Variants in MYH14 observed in about 807,000 individuals in gnomAD.
MYH14 encodes the protein myosin heavy chain 14.
Under a neutral mutation model 255.5 loss-of-function variants are expected in MYH14, and 123 were observed. The ratio of observed to expected loss-of-function variants is 0.48; its 90% CI spans 0.42 to 0.56. MYH14 has a LOEUF of 0.56. Ranked by LOEUF, MYH14 falls within the 20% of genes least tolerant of loss-of-function variation. MYH14 has a pLI of 0.00. For missense variants in MYH14, 2,423 were observed against 2,802.3 expected (o/e 0.86, Z 3.06); for synonymous variants, 1,095 against 1,161.2 (o/e 0.94, Z 1.16).
rs767665403 is a variant in MYH14 at position 50,257,296 on chromosome 19, C to T, written c.2045-3C>T. 1.3e-6 allele frequency: 2 copies of T among 1,596,942 alleles called. No individual in the cohort carries two copies. The highest frequency in any genetic ancestry group is 1.7e-6 in the Non-Finnish European group (2 of 1,169,412). ...TCTCTCTCTCTGCATCTCCATCTGACAGTGGAGGGCATCGTGGGGCTGGAA... is the reference window on the plus strand; with the variant it reads ...TCTCTCTCTCTGCATCTCCATCTGATAGTGGAGGGCATCGTGGGGCTGGAA... On this transcript the variant is annotated splice_region_variant and splice_polypyrimidine_tract_variant and intron_variant, in intron 17 of 42. Transcript: ENST00000642316.
intron 24 of MYH14, 45 bp from the exon 25 acceptor site, chr19:50,271,364 A>C: frequency 1.3e-6 from 2 of 1,571,592 alleles, no homozygotes; most frequent in Middle Eastern, 2.2e-4. Context: ...ATCACACTCC[A>C]TCTATTGGCC....
At position 50,309,074 on chromosome 19, in the gene MYH14, C is replaced by T. The variant is rs764485532; in HGVS notation, c.5857C>T (p.Arg1953Trp). ...GGAGGAGGCCGAGGAGGAGGCATCCCGGGCTCAGGCCGGCCGCCGGAGGCT... is the reference window on the plus strand; with the variant it reads ...GGAGGAGGCCGAGGAGGAGGCATCCTGGGCTCAGGCCGGCCGCCGGAGGCT... ...QLEEAEEEASRAQAGRRRLQR... is the reference protein window; with the variant it reads ...QLEEAEEEASWAQAGRRRLQR... The change falls in exon 42 of 43, where the codon CGG becomes TGG. Residue 1953 changes from arginine to tryptophan, a missense_variant. Arg to Trp is a moderately radical substitution (Grantham distance 101). This residue lies in a region of MYH14 where 1,513 missense variants were observed against 1,674.8 expected (regional missense o/e 0.90). Coordinates refer to ENST00000642316, the MANE Select transcript of MYH14 (RefSeq NM_001145809.2). The T allele has an allele frequency of 1.8e-5, 29 of 1,613,688 alleles. No individual in the cohort carries two copies. Among genetic ancestry groups the T allele is most frequent in the East Asian group, 6.7e-5 (3 of 44,874 alleles).
intron 8 of MYH14, among the ~76,000 whole-genome samples, chr19:50,229,216 G>A (rs902933233): frequency 6.6e-6 from 1 of 152,254 alleles, no homozygotes; most frequent in Admixed American, 6.5e-5. Context: ...TTACACCCCA[G>A]GGCTTCTGGG....
At chr19:50,246,117 T>TTCCTTCCTTCCTTCCTTCCC (rs2034114570) in intron 11 of MYH14, among the ~76,000 whole-genome samples, 2 of 116,686 alleles carry the variant, frequency 1.7e-5, no homozygotes, top group African/African-American at 3.3e-5. Flanking sequence ...CCTTTCTTCC[T>TTCCTTCCTTCCTTCCTTCCC]TCCTTCCTTC....
intron 3 of MYH14, among the ~76,000 whole-genome samples, chr19:50,222,578 C>T (rs2032890225): frequency 6.6e-6 from 1 of 152,044 alleles, no homozygotes; most frequent in African/African-American, 2.4e-5. Flanking sequence ...TTTCTGTCCC[C>T]TACATCTTAA....
chr19:50,233,304 G>A (rs543605301), intron 10 of MYH14, among the ~76,000 whole-genome samples: 24 of 152,136 alleles, frequency 1.6e-4, no homozygotes, highest in African/African-American at 5.3e-4. Flanking sequence ...CGAGTAACTG[G>A]GATTACAGGC....
rs757419658 is a variant in MYH14 at position 50,280,129 on chromosome 19, G to T, written c.4125G>T (p.Leu1375=). 1 of 1,603,894 alleles carries T rather than the reference G, an allele frequency of 6.2e-7. No homozygotes were observed. The highest frequency in any genetic ancestry group is 1.7e-5 in the Admixed American group (1 of 58,464). Reference sequence around the variant, plus strand: ...AGCTGAGCAGCACAGAAGCCCAGCTGCACGATGCCCAGGTGACCCTGCCTG... The same window carrying T: ...AGCTGAGCAGCACAGAAGCCCAGCTTCACGATGCCCAGGTGACCCTGCCTG... ...SKELSSTEAQ[L]HDAQELLQEE... is the part of the protein sequence containing the mutation. The change falls in exon 31 of 43, where the codon CTG becomes CTT. Residue 1375 remains leucine (L), a synonymous_variant. Transcript: ENST00000642316. This position sits in a 1 kb window ranked among gnomAD's most constrained non-coding sequence, Gnocchi z 4.8.
rs184155633 is a variant in MYH14, at chr19:50,270,655, G to A, written c.3034-754G>A. ...GGCAGTACCCATTTCTATAATTTGT[G>A]TATTTACTATGTTTATTTTATTTTT... On this transcript the variant is annotated intron_variant, in intron 24 of 42. Coordinates refer to ENST00000642316, the MANE Select transcript of MYH14 (RefSeq NM_001145809.2). Among the ~76,000 whole-genome samples, 306 of 151,112 alleles carry A rather than the reference G, an allele frequency of 2.0e-3. 1 individual carries two copies. Among genetic ancestry groups the A allele is most frequent in the Admixed American group, 3.4e-3 (51 of 15,150 alleles).
chr19:50,258,920 T>G (rs2034710100), intron 18 of MYH14, among the ~76,000 whole-genome samples: 1 of 152,110 alleles, frequency 6.6e-6, no homozygotes, highest in East Asian at 1.9e-4. Context: ...TAGTGACTGC[T>G]TCACCTAGGG....
At chr19:50,269,973 C>T (rs970028662) in intron 24 of MYH14, among the ~76,000 whole-genome samples, 1 of 152,154 alleles carries the variant, frequency 6.6e-6, no homozygotes, top group Non-Finnish European at 1.5e-5. Flanking sequence ...AATGTGTAAT[C>T]CCGGCACTTT....
At chr19:50,213,827 T>C (rs545901027) in intron 2 of MYH14, among the ~76,000 whole-genome samples, 1 of 152,248 alleles carries the variant, frequency 6.6e-6, no homozygotes, top group African/African-American at 2.4e-5. Flanking sequence ...TTCTGTTTTT[T>C]GTTTGTTTGT....
At chr19:50,270,684 A>ATTAT (rs1367984443) in intron 24 of MYH14, among the ~76,000 whole-genome samples, 3 of 114,806 alleles carry the variant, frequency 2.6e-5, no homozygotes, top group Non-Finnish European at 5.2e-5. Flanking sequence ...TATTTTTAAA[A>ATTAT]TTATTTATTA....
chr19:50,235,545 C>T (rs568780490), intron 10 of MYH14, among the ~76,000 whole-genome samples: 35 of 150,808 alleles, frequency 2.3e-4, no homozygotes, highest in Non-Finnish European at 3.8e-4. Flanking sequence ...TTTGGGAGGC[C>T]GAGGTGGGAG....
Position 50,230,778 on chromosome 19 carries a change from G to A in MYH14, c.973+155G>A, listed in dbSNP as rs560421901. 926 of 645,878 alleles carry A rather than the reference G, an allele frequency of 1.4e-3. 5 individuals are homozygous for A. The highest frequency in any genetic ancestry group is 2.3e-3 in the Admixed American group (86 of 38,010). 40.0% of individuals were successfully genotyped at this position (645,878 alleles called of 1,614,324 possible). A position where few individuals can be genotyped will look rare whatever the true frequency, so the allele number is the denominator to read the frequency against. On this transcript the variant is annotated intron_variant, in intron 9 of 42. Transcript: ENST00000642316. This position sits in a 1 kb window ranked among gnomAD's most constrained non-coding sequence, Gnocchi z 4.7. ...CTCCCGCAGCCCCTGCTCTCGCTGC[G>A]TAGTGGCGTCTGTCGCACGGTGGGT...
chr19:50,211,420 T>TA (rs2032189833), intron 2 of MYH14, among the ~76,000 whole-genome samples: 1 of 152,196 alleles, frequency 6.6e-6, no homozygotes. Flanking sequence ...ATAGGAAAGA[T>TA]AGAGTCTATT....
chr19:50,233,478 C>G (rs771529666), intron 10 of MYH14, among the ~76,000 whole-genome samples: 42 of 152,162 alleles, frequency 2.8e-4, no homozygotes, highest in Non-Finnish European at 4.4e-4. Flanking sequence ...CCTGTGCCCC[C>G]ACTTTTTTCA....
intron 10 of MYH14, among the ~76,000 whole-genome samples, chr19:50,237,238 G>T (rs1450289148): frequency 6.6e-6 from 1 of 152,012 alleles, no homozygotes; most frequent in Non-Finnish European, 1.5e-5. Flanking sequence ...CCACCAGCTG[G>T]CAGCTGTCAC....
chr19:50,223,455 C>G, intron 5 of MYH14, 106 bp downstream of exon 5: 1 of 829,786 alleles, frequency 1.2e-6, no homozygotes, highest in South Asian at 1.5e-5. Flanking sequence ...GGTCCTTCTC[C>G]TAGACGCCTA....
At chr19:50,296,728 G>A (rs1024687097) in intron 39 of MYH14, among the ~76,000 whole-genome samples, 13 of 152,238 alleles carry the variant, frequency 8.5e-5, no homozygotes, top group Non-Finnish European at 1.6e-4. Flanking sequence ...CCCATTAGCA[G>A]GAAAGATAGT....
Sources: gnomAD v4.1 joint callset for allele counts (sites outside exome capture counted in the v4.1 genomes callset) on GRCh38, gnomAD v4.1.1 for gene constraint, gnomAD v4.1.1 regional missense constraint, Gnocchi (gnomAD v3.1) non-coding constraint, MANE v1.5 for transcripts, NCBI Gene and HGNC (gene_info 2026-07-23, HGNC 2026-07-21) for gene names.